GPC6: variants seen among roughly 807,000 people sequenced by gnomAD.
The protein encoded by GPC6 is glypican-6.
In GPC6, 14 loss-of-function variants were observed where a neutral mutation model predicts 55.2. The ratio of observed to expected loss-of-function variants is 0.25; its 90% CI spans 0.17 to 0.40. The LOEUF is 0.40. GPC6 is among the 10% of genes least tolerant of loss of function. The pLI is 1.00. For missense variants in GPC6, 641 were observed against 708.5 expected, an observed-to-expected ratio of 0.90 and a Z score of 1.08; for synonymous variants, 278 against 259.6, an observed-to-expected ratio of 1.07 and a Z score of -0.68.
At chr13:93,453,924 T>C (rs1181609070) in intron 1 of GPC6, among the ~76,000 whole-genome samples, 10 of 152,096 alleles carry the variant, frequency 6.6e-5, no homozygotes, top group African/African-American at 2.4e-4. Context: ...GCAGCCTGCT[T>C]TTATTCTTTT....
intron 2 of GPC6, among the ~76,000 whole-genome samples, chr13:93,694,094 C>A (rs1882359478): frequency 6.6e-6 from 1 of 152,156 alleles, no homozygotes; most frequent in Admixed American, 6.5e-5. Context: ...AACAGCAACA[C>A]ATCTGATTTT....
intron 1 of GPC6, among the ~76,000 whole-genome samples, chr13:93,488,637 T>C (rs759431599): frequency 1.3e-5 from 2 of 152,150 alleles, no homozygotes; most frequent in African/African-American, 4.8e-5. Flanking sequence ...ACCTGTTGTT[T>C]CCTGACTTTT....
chr13:93,720,953 G>T (rs1883435927), intron 2 of GPC6, among the ~76,000 whole-genome samples: 1 of 151,672 alleles, frequency 6.6e-6, no homozygotes, highest in African/African-American at 2.4e-5. Context: ...CCATTCTTCT[G>T]CATTTGCTGA....
intron 1 of GPC6, among the ~76,000 whole-genome samples, chr13:93,360,137 A>G (rs747151819): frequency 2.6e-5 from 4 of 151,816 alleles, no homozygotes; most frequent in Non-Finnish European, 4.4e-5. Flanking sequence ...ATTTAAAAAC[A>G]TCAAAACAGG....
intron 3 of GPC6, among the ~76,000 whole-genome samples, chr13:94,006,647 C>T (rs1882031554): frequency 6.6e-6 from 1 of 152,096 alleles, no homozygotes; most frequent in African/African-American, 2.4e-5. Flanking sequence ...CTTTTCCCTC[C>T]CCTGGTGCTG....
chr13:93,619,679 C>T (rs866305799), intron 2 of GPC6, among the ~76,000 whole-genome samples: 2 of 152,220 alleles, frequency 1.3e-5, no homozygotes, highest in African/African-American at 4.8e-5. Context: ...GTCTAGAACA[C>T]CTGTGTTCCA....
At chr13:93,506,796 T>A (rs1880733743) in intron 1 of GPC6, among the ~76,000 whole-genome samples, 1 of 150,712 alleles carries the variant, frequency 6.6e-6, no homozygotes, top group African/African-American at 2.4e-5. Context: ...ATCCCGGCAC[T>A]TTGGGAGGCC....
chr13:93,797,779 T>A (rs978638237), intron 2 of GPC6, among the ~76,000 whole-genome samples: 1 of 152,162 alleles, frequency 6.6e-6, no homozygotes, highest in African/African-American at 2.4e-5. Flanking sequence ...AGACCATGAA[T>A]TTAAACTGAG....
intron 1 of GPC6, among the ~76,000 whole-genome samples, chr13:93,344,227 G>T (rs1008450213): frequency 6.6e-6 from 1 of 152,134 alleles, no homozygotes; most frequent in African/African-American, 2.4e-5. Context: ...AACTGGCCCC[G>T]CCTCTTTGTT....
chr13:93,668,814 A>G (rs757511483), intron 2 of GPC6, among the ~76,000 whole-genome samples: 27 of 152,204 alleles, frequency 1.8e-4, no homozygotes, highest in Middle Eastern at 3.2e-3. Context: ...TATCAAGTTC[A>G]TGATAGTTTG....
intron 1 of GPC6, among the ~76,000 whole-genome samples, chr13:93,365,696 T>C (rs1357304597): frequency 1.3e-5 from 2 of 152,064 alleles, no homozygotes; most frequent in Non-Finnish European, 2.9e-5. Flanking sequence ...GGAACAATTA[T>C]TGTGATTCTG....
intron 4 of GPC6, among the ~76,000 whole-genome samples, chr13:94,109,050 A>T (rs1157551719): frequency 6.6e-6 from 1 of 151,374 alleles, no homozygotes; most frequent in Admixed American, 6.6e-5. Context: ...TCTTTAAACT[A>T]CAGTGTTTCT....
chr13:94,202,427 G>T (rs139579810), intron 4 of GPC6, among the ~76,000 whole-genome samples: 25 of 152,294 alleles, frequency 1.6e-4, no homozygotes, highest in Non-Finnish European at 3.4e-4. Flanking sequence ...AAGGCAAAAG[G>T]CATGTCCTAC....
intron 1 of GPC6, among the ~76,000 whole-genome samples, chr13:93,528,678 G>A (rs1216015138): frequency 6.6e-6 from 1 of 152,176 alleles, no homozygotes; most frequent in Non-Finnish European, 1.5e-5. Context: ...CAAATGAGTT[G>A]TGAGCAGGTC....
intron 2 of GPC6, among the ~76,000 whole-genome samples, chr13:93,801,663 A>G (rs933126598): frequency 1.3e-5 from 2 of 152,154 alleles, no homozygotes; most frequent in African/African-American, 4.8e-5. Context: ...GAAAAATTGA[A>G]ATGTTGACTG....
At chr13:93,434,509 G>A (rs755003271) in intron 1 of GPC6, among the ~76,000 whole-genome samples, 1 of 152,120 alleles carries the variant, frequency 6.6e-6, no homozygotes, top group Non-Finnish European at 1.5e-5. Flanking sequence ...TATAATAAGG[G>A]TAAACAAATT....
chr13:94,060,252 A>G lies in GPC6; in HGVS notation c.877+32358A>G, dbSNP rs376291294. Among the ~76,000 whole-genome samples, 27 of 152,198 alleles carry G rather than the reference A, an allele frequency of 1.8e-4. No individual in the cohort carries two copies. In the East Asian group the frequency reaches 3.3e-3, roughly 19 times the overall value. On this transcript the variant is annotated intron_variant, in intron 4 of 8. Coordinates refer to ENST00000377047, the MANE Select transcript of GPC6 (RefSeq NM_005708.5). ...CCTCTGCTTCTTTTATCCATAGTAC[A>G]TATCATCCCCAAACAGTCTATATGA...
chr13:93,900,483 T>C (rs1876284348), intron 3 of GPC6, among the ~76,000 whole-genome samples: 1 of 152,126 alleles, frequency 6.6e-6, no homozygotes, highest in South Asian at 2.1e-4. Context: ...AATGAAAACA[T>C]ACATATGTTG....
chr13:93,996,100 C>G (rs956010465), intron 3 of GPC6, among the ~76,000 whole-genome samples: 1 of 152,106 alleles, frequency 6.6e-6, no homozygotes, highest in Non-Finnish European at 1.5e-5. Flanking sequence ...TTCCTGGAAC[C>G]ATTTTTATTT....
Sources: gnomAD v4.1 joint callset for allele counts (sites outside exome capture counted in the v4.1 genomes callset) on GRCh38, gnomAD v4.1.1 for gene constraint, MANE v1.5 for transcripts, NCBI Gene and HGNC (gene_info 2026-07-23, HGNC 2026-07-21) for gene names.